The following CSMD1 variants were observed in gnomAD, a reference collection of about 807,000 sequenced individuals.
CSMD1 encodes the protein CUB and sushi domain-containing protein 1.
CSMD1 carries 213 observed loss-of-function variants against 417.5 expected under a neutral mutation model. That is an observed-to-expected ratio of 0.51 (90% CI 0.46 to 0.57). CSMD1 has a LOEUF of 0.57. Among genes scored for constraint, CSMD1 ranks in the 20% least tolerant of loss-of-function variants. The probability of loss-of-function intolerance (pLI) is 0.00; values close to 1 mark genes in which losing one functional copy is unlikely to be tolerated. For synonymous variants in CSMD1, 2,862 were observed against 1,736.8 expected, an observed-to-expected ratio of 1.65 and a Z score of -16.11; for missense variants, 6,923 against 4,529.7, an observed-to-expected ratio of 1.53 and a Z score of -15.17.
chr8:4,614,670 C>A (rs775208476), intron 2 of CSMD1, among the ~76,000 whole-genome samples: 3 of 152,050 alleles, frequency 2.0e-5, no homozygotes, highest in Admixed American at 6.6e-5. Flanking sequence ...CACACAAACG[C>A]ACACACACTG....
intron 1 of CSMD1, among the ~76,000 whole-genome samples, chr8:4,755,362 T>C (rs1365376899): frequency 6.6e-6 from 1 of 152,236 alleles, no homozygotes; most frequent in Non-Finnish European, 1.5e-5. Flanking sequence ...GCTTTGCAAT[T>C]AGCTATAACC....
intron 1 of CSMD1, among the ~76,000 whole-genome samples, chr8:4,978,661 G>C (rs763670978): frequency 1.2e-4 from 18 of 152,166 alleles, no homozygotes; most frequent in Non-Finnish European, 2.6e-4. Context: ...ATATGGGCCA[G>C]ACACGGTGGC....
intron 26 of CSMD1, among the ~76,000 whole-genome samples, chr8:3,233,342 C>T (rs977536737): frequency 2.6e-5 from 4 of 152,210 alleles, no homozygotes; most frequent in African/African-American, 9.6e-5. Flanking sequence ...AGCCCCTCGC[C>T]AGGCGATGCC....
intron 8 of CSMD1, among the ~76,000 whole-genome samples, chr8:3,605,898 G>A (rs1801588508): frequency 6.6e-6 from 1 of 152,174 alleles, no homozygotes; most frequent in Non-Finnish European, 1.5e-5. Flanking sequence ...GACTATTAAT[G>A]AGGTTATGTC....
intron 23 of CSMD1, among the ~76,000 whole-genome samples, chr8:3,318,379 T>A (rs548345909): frequency 1.3e-5 from 2 of 152,194 alleles, no homozygotes. Context: ...ATTAATGCAA[T>A]CACTTAGCAT....
In CSMD1 at chr8:4,190,953, TG is replaced by T. The variant is rs1554488128; in HGVS notation, c.416-158855del. On this transcript the variant is annotated intron_variant, in intron 3 of 69. Transcript: ENST00000635120. ...ACACAAACTGCGGCTCAGTGGAGAG[TG>T]GGGGGGGCGGGGAAGGGAGAGGATC... Among the ~76,000 whole-genome samples the T allele has an allele frequency of 1.3e-4, 15 of 116,704 alleles. No homozygotes were observed. In the South Asian group the frequency reaches 1.6e-3, roughly 12 times the overall value. 76.6% of individuals were successfully genotyped at this position (116,704 alleles called of 152,430 possible).
At position 3,973,341 on chromosome 8, in the gene CSMD1, T is replaced by G. The variant is rs1813210495; in HGVS notation, c.818+24562A>C. On this transcript the variant is annotated intron_variant, in intron 5 of 69. Transcript: ENST00000635120. ...TGAATGTCTGCACTCTGCTTGGTGC[T>G]AGATAGAAGATTTTCAAAAGAATAT... is the stretch of plus-strand genomic sequence containing the variant. 1.2e-4 allele frequency among the ~76,000 whole-genome samples: 18 copies of G among 152,304 alleles called. No homozygotes were observed. In the South Asian group the frequency reaches 3.7e-3, roughly 32 times the overall value.
chr8:4,089,797 A>C (rs1456175815), intron 3 of CSMD1, among the ~76,000 whole-genome samples: 1 of 152,072 alleles, frequency 6.6e-6, no homozygotes, highest in Admixed American at 6.6e-5. Flanking sequence ...CACTCAGTCT[A>C]CCGAGTGTGT....
chr8:4,163,291 T>G (rs1714739), intron 3 of CSMD1, among the ~76,000 whole-genome samples: 33,266 of 152,066 alleles, frequency 0.22, 3,733 homozygotes, highest in East Asian at 0.3. Context: ...GTATGTTTAG[T>G]TTTCTAAGAA....
chr8:3,799,054 G>C (rs1356500274), intron 5 of CSMD1, among the ~76,000 whole-genome samples: 3 of 151,806 alleles, frequency 2.0e-5, no homozygotes, highest in Non-Finnish European at 4.4e-5. Flanking sequence ...TGTATAGTAT[G>C]CTTAAATAAT....
At chr8:3,939,547 T>A (rs1429007728) in intron 5 of CSMD1, among the ~76,000 whole-genome samples, 3 of 152,120 alleles carry the variant, frequency 2.0e-5, no homozygotes, top group Admixed American at 2.0e-4. Context: ...CGTCATCATA[T>A]GAAAAAGGCA....
chr8:4,471,080 T>C (rs1381196217), intron 2 of CSMD1, among the ~76,000 whole-genome samples: 2 of 152,228 alleles, frequency 1.3e-5, no homozygotes, highest in Non-Finnish European at 2.9e-5. Context: ...TTAAAATCTT[T>C]GACATATTTG....
At chr8:3,490,820 T>C (rs867918444) in intron 11 of CSMD1, among the ~76,000 whole-genome samples, 5 of 152,132 alleles carry the variant, frequency 3.3e-5, no homozygotes, top group Non-Finnish European at 7.3e-5. Context: ...GCCCAAAATA[T>C]AGATATCTGG....
Position 3,546,967 on chromosome 8 carries a change from G to C in CSMD1, c.1344+27978C>G, listed in dbSNP as rs147490961. On this transcript the variant is annotated intron_variant, in intron 10 of 69. Coordinates refer to ENST00000635120, the MANE Select transcript of CSMD1 (RefSeq NM_033225.6). Reference sequence around the variant, plus strand: ...TCTTGAGCTGTTTTGAAAACCTCCTGGAAGAAGGGAAGAGCAAAACTGAAC... The same window carrying C: ...TCTTGAGCTGTTTTGAAAACCTCCTCGAAGAAGGGAAGAGCAAAACTGAAC... Among the ~76,000 whole-genome samples, 835 of 152,294 alleles carry C rather than the reference G, an allele frequency of 5.5e-3. 7 individuals carry two copies. Among genetic ancestry groups the C allele is most frequent in the Middle Eastern group, 0.01 (3 of 294 alleles).
intron 10 of CSMD1, among the ~76,000 whole-genome samples, chr8:3,505,467 T>C (rs1273538016): frequency 6.6e-6 from 1 of 152,116 alleles, no homozygotes; most frequent in Non-Finnish European, 1.5e-5. Flanking sequence ...CACGACTGAT[T>C]AAAGAGTTGA....
intron 3 of CSMD1, among the ~76,000 whole-genome samples, chr8:4,209,065 T>A (rs1292340581): frequency 6.6e-6 from 1 of 152,142 alleles, no homozygotes; most frequent in African/African-American, 2.4e-5. Context: ...CTTCTTGAAT[T>A]TTTCTTTTTT....
At chr8:3,576,496 G>A (rs903053434) in intron 9 of CSMD1, among the ~76,000 whole-genome samples, 2 of 152,106 alleles carry the variant, frequency 1.3e-5, no homozygotes, top group African/African-American at 4.8e-5. Flanking sequence ...CATAATTTGA[G>A]ACAACTGTTC....
At position 3,708,455 on chromosome 8, in the gene CSMD1, T is replaced by C; in HGVS notation, c.968A>G (p.Lys323Arg). The C allele has an allele frequency of 6.2e-7, 1 of 1,613,960 alleles. No individual in the cohort carries two copies. Among genetic ancestry groups the C allele is most frequent in the Non-Finnish European group, 8.5e-7 (1 of 1,179,892 alleles). Residue 323 changes from lysine to arginine, a missense_variant, in exon 7 of 70, where the codon AAG becomes AGG. Lys to Arg is a conservative substitution (Grantham distance 26). Transcript: ENST00000635120. ...KAIELKSRGV[K>R]MLPSKDGSHK... Reference sequence around the variant, plus strand: ...GCTTCCATCCTTGCTGGGCAGCATCTTGACTCCTCTTGACTTCAACTCAAT... The same window carrying C: ...GCTTCCATCCTTGCTGGGCAGCATCCTGACTCCTCTTGACTTCAACTCAAT...
At chr8:4,301,007 T>C (rs1202527961) in intron 3 of CSMD1, among the ~76,000 whole-genome samples, 1 of 152,182 alleles carries the variant, frequency 6.6e-6, no homozygotes, top group Non-Finnish European at 1.5e-5. Context: ...TGTGCATGTG[T>C]CTTTATAGCA....
Sources: gnomAD v4.1 joint callset for allele counts (sites outside exome capture counted in the v4.1 genomes callset) on GRCh38, gnomAD v4.1.1 for gene constraint, MANE v1.5 for transcripts, NCBI Gene and HGNC (gene_info 2026-07-23, HGNC 2026-07-21) for gene names.